Variants in PRKCE observed in about 807,000 individuals in gnomAD.
PRKCE encodes protein kinase C epsilon type.
A neutral mutation model predicts 85.4 loss-of-function variants in PRKCE; 16 were observed. That is an observed-to-expected ratio of 0.19 (90% CI 0.13 to 0.28). The LOEUF (loss-of-function observed/expected upper bound fraction) is 0.28, where lower values mean the gene tolerates loss of function less well. Ranked by LOEUF, PRKCE falls within the 10% of genes least tolerant of loss-of-function variation. The pLI is 1.00. For missense variants in PRKCE, 573 were observed against 975.2 expected (o/e 0.59, Z 5.49); for synonymous variants, 388 against 371.5 (o/e 1.04, Z -0.51).
At chr2:46,150,738 T>G (rs1018677513) in intron 12 of PRKCE, among the ~76,000 whole-genome samples, 2 of 152,108 alleles carry the variant, frequency 1.3e-5, no homozygotes, top group Admixed American at 1.3e-4. Context: ...AAATATGCAG[T>G]TTTTTAAAAT....
chr2:45,658,394 G>A (rs371848764), intron 1 of PRKCE, among the ~76,000 whole-genome samples: 3 of 152,194 alleles, frequency 2.0e-5, no homozygotes, highest in Admixed American at 6.5e-5. Context: ...GTCAAGCGTT[G>A]TTTGAACTGT....
At chr2:46,103,417 G>T (rs1019735300) in intron 11 of PRKCE, among the ~76,000 whole-genome samples, 6 of 152,166 alleles carry the variant, frequency 3.9e-5, no homozygotes, top group Non-Finnish European at 7.3e-5. Flanking sequence ...AGTTGCTGCT[G>T]GGATGTCATT....
In PRKCE at chr2:46,140,444, C is replaced by T. The variant is rs1430140659; in HGVS notation, c.1593-4649C>T. ...AGTGAGGAAAAGATGACCTATTCAA[C>T]GTAAGGGACTGGGACAACTTACTAA... On this transcript the variant is annotated intron_variant, in intron 11 of 14. Coordinates refer to ENST00000306156, the MANE Select transcript of PRKCE (RefSeq NM_005400.3). Among the ~76,000 whole-genome samples, 10 of 152,200 alleles carry T rather than the reference C, an allele frequency of 6.6e-5. No individual in the cohort carries two copies. In the East Asian group the frequency reaches 1.2e-3, roughly 18 times the overall value.
In PRKCE at chr2:46,145,541, C is replaced by T. The variant is rs901183437; in HGVS notation, c.1731+310C>T. Among the ~76,000 whole-genome samples the T allele has an allele frequency of 1.8e-4, 28 of 152,124 alleles. No homozygotes were observed. The highest frequency in any genetic ancestry group is 3.3e-4 in the Admixed American group (5 of 15,272). ...CCAATAAATCTAGGACCAAGAAAAA[C>T]GTGTTGACTTTTATTATTGTTTTCA... On this transcript the variant is annotated intron_variant, in intron 12 of 14. Coordinates refer to ENST00000306156, the MANE Select transcript of PRKCE (RefSeq NM_005400.3). The surrounding 1 kb of genome is among the most constrained non-coding windows in gnomAD (Gnocchi z 4.6).
intron 2 of PRKCE, among the ~76,000 whole-genome samples, chr2:45,963,954 T>C (rs747403263): frequency 6.6e-6 from 1 of 152,198 alleles, no homozygotes; most frequent in Non-Finnish European, 1.5e-5. Flanking sequence ...CAAGGTGAGG[T>C]AGCTGGGAGC....
rs181422146 is a variant in PRKCE at position 45,858,467 on chromosome 2, T to A, written c.412+15404T>A. Among the ~76,000 whole-genome samples the A allele has an allele frequency of 3.9e-5, 6 of 152,124 alleles. No homozygotes were observed. The East Asian group carries it at 9.7e-4, about 25-fold the overall frequency. ...GACTTAATTTAAATCAGACTTACCC[T>A]CCCTCCCTTCCACTATTTTTATGCT... On this transcript the variant is annotated intron_variant, in intron 2 of 14. Coordinates refer to ENST00000306156, the MANE Select transcript of PRKCE (RefSeq NM_005400.3).
At chr2:45,679,682 A>C (rs1676737696) in intron 1 of PRKCE, among the ~76,000 whole-genome samples, 2 of 152,122 alleles carry the variant, frequency 1.3e-5, no homozygotes, top group South Asian at 4.2e-4. Flanking sequence ...ACTTACAAGA[A>C]GAGGGGATAT....
At chr2:45,955,162 T>C in intron 2 of PRKCE, among the ~76,000 whole-genome samples, 1 of 152,202 alleles carries the variant, frequency 6.6e-6, no homozygotes, top group East Asian at 1.9e-4. Context: ...CCAAGTACTA[T>C]GGTAGTTCAA....
At chr2:45,869,696 TTC>T (rs201287266) in intron 2 of PRKCE, among the ~76,000 whole-genome samples, 109 of 140,546 alleles carry the variant, frequency 7.8e-4, no homozygotes, top group Non-Finnish European at 9.8e-4. Context: ...TTGTTTTTGT[TTC>T]TCTCTCTCTT....
At chr2:45,727,223 C>G (rs1681150794) in intron 1 of PRKCE, among the ~76,000 whole-genome samples, 1 of 152,180 alleles carries the variant, frequency 6.6e-6, no homozygotes, top group South Asian at 2.1e-4. Flanking sequence ...GCTTACCTAC[C>G]TCTTAAGGCC....
intron 2 of PRKCE, among the ~76,000 whole-genome samples, chr2:45,915,355 C>A (rs1168190149): frequency 1.3e-5 from 2 of 152,160 alleles, no homozygotes; most frequent in Non-Finnish European, 2.9e-5. Context: ...TGCATCTGTT[C>A]TTAGCTTCTA....
intron 8 of PRKCE, among the ~76,000 whole-genome samples, chr2:46,006,984 T>C (rs1322733093): frequency 6.6e-6 from 1 of 152,236 alleles, no homozygotes; most frequent in Non-Finnish European, 1.5e-5. Flanking sequence ...CCTTCAGTGA[T>C]CAGCCACCGT....
chr2:45,717,665 C>T (rs1680252042), intron 1 of PRKCE, among the ~76,000 whole-genome samples: 1 of 152,180 alleles, frequency 6.6e-6, no homozygotes, highest in Non-Finnish European at 1.5e-5. Flanking sequence ...ATTTAGCCCG[C>T]CATAGTAGTC....
At chr2:46,180,042 G>A (rs1009457832) in intron 14 of PRKCE, among the ~76,000 whole-genome samples, 1 of 152,184 alleles carries the variant, frequency 6.6e-6, no homozygotes, top group African/African-American at 2.4e-5. Context: ...ATAGAATGGT[G>A]AGTTCAACCC....
At chr2:45,980,938 T>C (rs61764793) in intron 5 of PRKCE, among the ~76,000 whole-genome samples, 129 of 152,366 alleles carry the variant, frequency 8.5e-4, no homozygotes, top group African/African-American at 3.0e-3. Context: ...GTTATTATCT[T>C]CATTTTACAA....
intron 1 of PRKCE, among the ~76,000 whole-genome samples, chr2:45,728,183 A>C (rs1337396732): frequency 5.3e-5 from 8 of 152,316 alleles, no homozygotes; most frequent in Middle Eastern, 3.4e-3. Context: ...GAGTAAGGTG[A>C]TGGGTGAGAA....
chr2:46,121,171 G>A (rs1673278971), intron 11 of PRKCE, among the ~76,000 whole-genome samples: 1 of 152,160 alleles, frequency 6.6e-6, no homozygotes, highest in African/African-American at 2.4e-5. Flanking sequence ...TCTAACCAGA[G>A]TATCTTCACC....
chr2:46,134,822 C>CGACGGA (rs1353552305), intron 11 of PRKCE, among the ~76,000 whole-genome samples: 10 of 152,206 alleles, frequency 6.6e-5, no homozygotes, highest in Non-Finnish European at 1.2e-4. Flanking sequence ...GTAAGTGTCA[C>CGACGGA]GACGGATCGT....
chr2:45,908,060 G>C (rs1426118765), intron 2 of PRKCE, among the ~76,000 whole-genome samples: 1 of 152,150 alleles, frequency 6.6e-6, no homozygotes, highest in Non-Finnish European at 1.5e-5. Context: ...CAGAGTGTGA[G>C]TGGCTGGTTA....
Sources: gnomAD v4.1 joint callset for allele counts (sites outside exome capture counted in the v4.1 genomes callset) on GRCh38, gnomAD v4.1.1 for gene constraint, Gnocchi (gnomAD v3.1) non-coding constraint, MANE v1.5 for transcripts, NCBI Gene and HGNC (gene_info 2026-07-23, HGNC 2026-07-21) for gene names.